EHMT1: variants seen among roughly 807,000 people sequenced by gnomAD.
EHMT1 encodes the protein euchromatic histone lysine methyltransferase 1, also known as histone-lysine N-methyltransferase EHMT1.
Under a neutral mutation model 147.2 loss-of-function variants are expected in EHMT1, and 15 were observed. The ratio of observed to expected loss-of-function variants is 0.10; its 90% CI spans 0.07 to 0.16. The LOEUF is 0.16. EHMT1 is among the 10% of genes least tolerant of loss of function. The pLI is 1.00. For synonymous variants in EHMT1, 795 were observed against 709.6 expected (o/e 1.12, Z -1.91); for missense variants, 1,587 against 1,772.4 (o/e 0.90, Z 1.88).
chr9:137,710,023 G>A (rs1657700607), intron 1 of EHMT1, among the ~76,000 whole-genome samples: 1 of 152,244 alleles, frequency 6.6e-6, no homozygotes, highest in Non-Finnish European at 1.5e-5. Context: ...GGCATTTGCA[G>A]ACTCCCTGCT....
intron 16 of EHMT1, 52 bp from the exon 17 acceptor site, chr9:137,798,761 A>G: frequency 6.8e-7 from 1 of 1,470,960 alleles, no homozygotes; most frequent in Non-Finnish European, 9.5e-7. Flanking sequence ...CAGGGCTGGC[A>G]CACCAGGATC....
chr9:137,743,337 C>T, intron 4 of EHMT1, 34 bp from the exon 5 acceptor site: 1 of 1,543,600 alleles, frequency 6.5e-7, no homozygotes, highest in Non-Finnish European at 8.7e-7. Flanking sequence ...CTTTTCCTTT[C>T]TTGTCCCCTT....
At chr9:137,742,290 TGTGTG>T (rs3223252) in intron 4 of EHMT1, among the ~76,000 whole-genome samples, 10 of 4,514 alleles carry the variant, frequency 2.2e-3, no homozygotes, top group Non-Finnish European at 4.1e-3. Flanking sequence ...GAACCAAATT[TGTGTG>T]TGTGTGTGTG....
intron 15 of EHMT1, chr9:137,783,999 C>G (rs536524266): frequency 5.4e-6 from 3 of 551,404 alleles, no homozygotes; most frequent in Non-Finnish European, 9.8e-6. Context: ...TACCTAATGT[C>G]TTATATTGTA....
chr9:137,732,679 C>T lies in EHMT1; in HGVS notation c.823+4150C>T, dbSNP rs1588430299. Reference sequence around the variant, plus strand: ...TGGATTCTGCCGGGAACTGGCAGCCCGGTTTTCAGGCTTCAGGCGGCCTTT... The same window carrying T: ...TGGATTCTGCCGGGAACTGGCAGCCTGGTTTTCAGGCTTCAGGCGGCCTTT... On this transcript the variant is annotated intron_variant, in intron 4 of 26. Transcript: ENST00000460843. This position sits in a 1 kb window ranked among gnomAD's most constrained non-coding sequence, Gnocchi z 4.6. Among the ~76,000 whole-genome samples, 1 of 152,186 alleles carries T rather than the reference C, an allele frequency of 6.6e-6. No homozygotes were observed. The highest frequency in any genetic ancestry group is 1.5e-5 in the Non-Finnish European group (1 of 68,038).
In EHMT1 at chr9:137,716,757, A is replaced by G. The variant is rs1588326023; in HGVS notation, c.217A>G (p.Thr73Ala). 9 of 1,612,848 alleles carry G rather than the reference A, an allele frequency of 5.6e-6. No homozygotes were observed. The highest frequency in any genetic ancestry group is 7.6e-6 in the Non-Finnish European group (9 of 1,179,748). ...CAGTCATGCAAATGCTGCAAAGCAC[A>G]CTCAGGACAGCGCAAGGGTCAACCC... ...ASSHANAAKH[T>A]QDSARVNPQD... Residue 73 changes from threonine (T) to alanine (A), a missense_variant, in exon 3 of 27, where the codon ACT becomes GCT. Physicochemically the swap from Thr to Ala is moderately conservative, Grantham distance 58. This residue lies in a region of EHMT1 where 810 missense variants were observed against 673.0 expected (regional missense o/e 1.20). Transcript: ENST00000460843.
Position 137,641,437 on chromosome 9 carries a change from A to C in EHMT1, c.21+22388A>C, listed in dbSNP as rs143156524. 3.6e-5 allele frequency: 19 copies of C among 528,008 alleles called. No individual in the cohort carries two copies. The East Asian group carries it at 9.6e-4, about 27-fold the overall frequency. 32.7% of individuals were successfully genotyped at this position (528,008 alleles called of 1,614,324 possible). On this transcript the variant is annotated intron_variant, in intron 1 of 26. Transcript: ENST00000460843. The stretch of plus-strand genomic sequence containing the variant: ...TCTGTCACTTCAGCACTGGTCAAAC[A>C]ATGCAGTGCCTCTTCATCCTCCTCC...
intron 4 of EHMT1, among the ~76,000 whole-genome samples, chr9:137,740,700 A>G (rs1947980846): frequency 6.6e-6 from 1 of 152,232 alleles, no homozygotes; most frequent in Admixed American, 6.5e-5. Flanking sequence ...TATACCTAAC[A>G]TCTGTTTCAC....
At chr9:137,729,811 C>T (rs754754104) in intron 4 of EHMT1, among the ~76,000 whole-genome samples, 39 of 152,112 alleles carry the variant, frequency 2.6e-4, no homozygotes, top group Non-Finnish European at 4.6e-4. Flanking sequence ...ATTACTGTCC[C>T]TCAACATAAA....
intron 4 of EHMT1, among the ~76,000 whole-genome samples, chr9:137,740,464 G>A (rs1360917658): frequency 2.0e-5 from 3 of 152,120 alleles, no homozygotes; most frequent in East Asian, 1.9e-4. Context: ...ACTGCCAGCC[G>A]TCCTGCAGTT....
chr9:137,706,227 GA>G (rs1944263325), intron 1 of EHMT1, among the ~76,000 whole-genome samples: 1 of 152,218 alleles, frequency 6.6e-6, no homozygotes, highest in Admixed American at 6.5e-5. Flanking sequence ...AAATGCAGAT[GA>G]TTTTTTTGGG....
intron 1 of EHMT1, chr9:137,641,386 T>C (rs990254816): frequency 5.7e-6 from 3 of 524,778 alleles, no homozygotes; most frequent in African/African-American, 1.9e-5. Flanking sequence ...AAACCTATTC[T>C]GTAACCTGAT....
rs1321810596 is a variant in EHMT1, at chr9:137,757,940, C to T, written c.1430C>T (p.Thr477Ile). 4 of 1,613,948 alleles carry T rather than the reference C, an allele frequency of 2.5e-6. No homozygotes were observed. The South Asian group carries it at 4.4e-5, about 18-fold the overall frequency. Residue 477 changes from threonine to isoleucine, a missense_variant, in exon 9 of 27, where the codon ACA becomes ATA. By Grantham distance (89) the Thr-to-Ile change is moderately conservative (BLOSUM62 -1). Coordinates refer to ENST00000460843, the MANE Select transcript of EHMT1 (RefSeq NM_024757.5). ...SAEQTAPGDSTGYMEVSLDSL... is the reference protein window; with the variant it reads ...SAEQTAPGDSIGYMEVSLDSL... ...GAGCAGACGGCACCAGGAGACAGCACAGGGTACATGGAAGTTTCTCTGGAC... is the reference window on the plus strand; with the variant it reads ...GAGCAGACGGCACCAGGAGACAGCATAGGGTACATGGAAGTTTCTCTGGAC...
intron 25 of EHMT1, among the ~76,000 whole-genome samples, chr9:137,824,526 G>A (rs1022193805): frequency 2.6e-5 from 4 of 151,948 alleles, no homozygotes; most frequent in East Asian, 1.9e-4. Context: ...TTGAGAGCCC[G>A]GGCGTCAGTA....
chr9:137,728,707 C>T, intron 4 of EHMT1, 178 bp downstream of exon 4: 2 of 733,442 alleles, frequency 2.7e-6, no homozygotes, highest in Non-Finnish European at 4.6e-6. Flanking sequence ...CTGACCTCTG[C>T]TCTAAGCCTT....
intron 1 of EHMT1, among the ~76,000 whole-genome samples, chr9:137,677,066 C>T (rs1269938958): frequency 1.3e-5 from 2 of 151,916 alleles, no homozygotes; most frequent in African/African-American, 4.8e-5. Context: ...TGGGCTCAAG[C>T]GATCTTCCCA....
intron 1 of EHMT1, among the ~76,000 whole-genome samples, chr9:137,634,056 A>C (rs1352369547): frequency 3.3e-5 from 5 of 151,924 alleles, no homozygotes; most frequent in Non-Finnish European, 5.9e-5. Flanking sequence ...CAAGTGATCC[A>C]CCTGCCTCGG....
intron 14 of EHMT1, 45 bp downstream of exon 14, chr9:137,779,762 G>A (rs1588664267): frequency 1.2e-6 from 2 of 1,605,236 alleles, no homozygotes; most frequent in Non-Finnish European, 8.5e-7. Flanking sequence ...CGGCCCTGTG[G>A]CACTGAAAGA....
chr9:137,736,667 G>T (rs1054594615), intron 4 of EHMT1, among the ~76,000 whole-genome samples: 1 of 152,266 alleles, frequency 6.6e-6, no homozygotes, highest in African/African-American at 2.4e-5. Context: ...GACGTGGGTG[G>T]ATCACTTGAG....
Sources: gnomAD v4.1 joint callset for allele counts (sites outside exome capture counted in the v4.1 genomes callset) on GRCh38, gnomAD v4.1.1 for gene constraint, gnomAD v4.1.1 regional missense constraint, Gnocchi (gnomAD v3.1) non-coding constraint, MANE v1.5 for transcripts, NCBI Gene and HGNC (gene_info 2026-07-23, HGNC 2026-07-21) for gene names.